Variants in MOB3B observed in about 807,000 individuals in gnomAD.
MOB3B encodes the protein MOB kinase activator-like 2B.
Under a neutral mutation model 18.7 loss-of-function variants are expected in MOB3B, and 7 were observed. That is an observed-to-expected ratio of 0.37 (90% confidence interval 0.21 to 0.70). MOB3B has a LOEUF of 0.70. Ranked by LOEUF, MOB3B falls within the 30% of genes least tolerant of loss-of-function variation. MOB3B has a pLI of 0.52. For missense variants in MOB3B, 253 were observed against 281.3 expected (o/e 0.90, Z 0.72); for synonymous variants, 111 against 99.9 (o/e 1.11, Z -0.66).
In MOB3B at chr9:27,328,972, A is replaced by G. The variant is rs905671324; in HGVS notation, c.*1615T>C. 2.0e-5 allele frequency: 3 copies of G among 152,606 alleles called. No homozygotes were observed. The highest frequency in any genetic ancestry group is 4.4e-5 in the Non-Finnish European group (3 of 68,036). 9.5% of individuals were successfully genotyped at this position (152,606 alleles called of 1,614,324 possible). ...TTCCGTGAGATGACCTTTACGAGAC[A>G]CAAAGCAAGGTTCAGGCTGCTTGGT... On this transcript the variant is annotated 3_prime_UTR_variant, in exon 4 of 4. Transcript: ENST00000262244.
At chr9:27,355,117 T>C (rs770352101) in intron 3 of MOB3B, among the ~76,000 whole-genome samples, 2 of 152,216 alleles carry the variant, frequency 1.3e-5, no homozygotes, top group South Asian at 2.1e-4. Flanking sequence ...TCTTAGGCAC[T>C]GTATGATACT....
chr9:27,524,608 C>T (rs1284929709), intron 1 of MOB3B: 1 of 1,614,098 alleles, frequency 6.2e-7, no homozygotes, highest in Admixed American at 1.7e-5. Context: ...TATGAAATGT[C>T]CCTACAGGCC....
chr9:27,464,610 T>C (rs113638079), intron 1 of MOB3B, among the ~76,000 whole-genome samples: 29 of 152,358 alleles, frequency 1.9e-4, no homozygotes, highest in African/African-American at 7.0e-4. Flanking sequence ...CAGAAATGAC[T>C]TTCTAAACTG....
chr9:27,386,080 C>T (rs1341767576), intron 2 of MOB3B, among the ~76,000 whole-genome samples: 1 of 152,212 alleles, frequency 6.6e-6, no homozygotes, highest in East Asian at 1.9e-4. Flanking sequence ...TTTCCTTGGG[C>T]TTATGATAGT....
At chr9:27,383,037 G>T (rs1011690930) in intron 2 of MOB3B, among the ~76,000 whole-genome samples, 1 of 152,128 alleles carries the variant, frequency 6.6e-6, no homozygotes, top group East Asian at 1.9e-4. Context: ...GAATGTGGGG[G>T]GAGAAGAAAA....
intron 2 of MOB3B, among the ~76,000 whole-genome samples, chr9:27,442,569 C>G (rs1822609631): frequency 6.6e-6 from 1 of 152,192 alleles, no homozygotes; most frequent in South Asian, 2.1e-4. Context: ...ATTTCTACCT[C>G]CCACCCTGCC....
In MOB3B at chr9:27,325,330, T is replaced by C. The variant is rs1367244977; in HGVS notation, c.*5257A>G. The C allele has an allele frequency of 6.6e-6, 1 of 152,246 alleles. No individual in the cohort carries two copies. The highest frequency in any genetic ancestry group is 1.5e-5 in the Non-Finnish European group (1 of 68,040). The allele number at this position is 152,246 out of a possible 1,614,324, so 9.4% of individuals were successfully genotyped here. ...TTGATTTAATTGTTAGTTTTCCTTA[T>C]AGTCAAATGCTTAATACAATCATAA... On this transcript the variant is annotated 3_prime_UTR_variant, in exon 4 of 4. Coordinates refer to ENST00000262244, the MANE Select transcript of MOB3B (RefSeq NM_024761.5).
chr9:27,505,735 C>A (rs371646837), intron 1 of MOB3B, among the ~76,000 whole-genome samples: 1 of 152,168 alleles, frequency 6.6e-6, no homozygotes, highest in South Asian at 2.1e-4. Context: ...TCTTCTCTTG[C>A]ACCAGCCCTT....
At chr9:27,496,967 C>T (rs150415237) in intron 1 of MOB3B, among the ~76,000 whole-genome samples, 1 of 152,176 alleles carries the variant, frequency 6.6e-6, no homozygotes, top group African/African-American at 2.4e-5. Context: ...GTTAATATGG[C>T]CCACACTTTT....
intron 2 of MOB3B, among the ~76,000 whole-genome samples, chr9:27,404,122 C>G (rs1304855567): frequency 6.6e-6 from 1 of 151,976 alleles, no homozygotes; most frequent in Non-Finnish European, 1.5e-5. Context: ...AACCATCATT[C>G]TATTCTCTAT....
intron 1 of MOB3B, among the ~76,000 whole-genome samples, chr9:27,493,108 T>G (rs1434520863): frequency 1.3e-5 from 2 of 152,200 alleles, no homozygotes; most frequent in African/African-American, 4.8e-5. Flanking sequence ...CTCTGCTCAA[T>G]GTATGTAAGA....
intron 1 of MOB3B, among the ~76,000 whole-genome samples, chr9:27,473,853 G>A (rs1367001035): frequency 6.6e-6 from 1 of 152,184 alleles, no homozygotes; most frequent in Admixed American, 6.5e-5. Flanking sequence ...GACTACATGT[G>A]TTCAAATTCT....
chr9:27,455,296 C>T lies in MOB3B; in HGVS notation c.255G>A (p.Arg85=), dbSNP rs776894112. ...YGTICEFCTE[R]TCPVMSGGPK... ...GGCCCCCTGACATCACAGGACAGGT[C>T]CGCTCGGTGCAGAACTCACAGATGG... Residue 85 remains arginine, a synonymous_variant, in exon 2 of 4, where the codon CGG becomes CGA. Transcript: ENST00000262244. 5.6e-6 allele frequency: 9 copies of T among 1,614,092 alleles called. No individual in the cohort carries two copies. The highest frequency in any genetic ancestry group is 3.3e-5 in the South Asian group (3 of 91,062).
At chr9:27,367,622 A>C (rs1821357923) in intron 2 of MOB3B, among the ~76,000 whole-genome samples, 1 of 152,234 alleles carries the variant, frequency 6.6e-6, no homozygotes, top group Non-Finnish European at 1.5e-5. Context: ...CTAAATGAGA[A>C]GCACAGCACC....
intron 2 of MOB3B, among the ~76,000 whole-genome samples, chr9:27,410,430 A>T (rs1382262069): frequency 6.6e-6 from 1 of 152,236 alleles, no homozygotes; most frequent in Non-Finnish European, 1.5e-5. Context: ...AAAAGTTTTT[A>T]GATAGACCTA....
intron 2 of MOB3B, among the ~76,000 whole-genome samples, chr9:27,441,119 C>G (rs143625220): frequency 3.6e-4 from 55 of 152,296 alleles, no homozygotes; most frequent in African/African-American, 1.1e-3. Context: ...TGGCCACTCA[C>G]CTCCTGCTGT....
chr9:27,331,400 G>C (rs1226937455), intron 3 of MOB3B, among the ~76,000 whole-genome samples: 1 of 152,176 alleles, frequency 6.6e-6, no homozygotes, highest in African/African-American at 2.4e-5. Flanking sequence ...CACTCGCTGT[G>C]GAGGTAGCCA....
In MOB3B at chr9:27,467,975, G is replaced by T. The variant is rs953771953; in HGVS notation, c.-198-12227C>A. Among the ~76,000 whole-genome samples the T allele has an allele frequency of 2.0e-5, 3 of 152,168 alleles. No homozygotes were observed. The East Asian group carries it at 5.8e-4, about 29-fold the overall frequency. On this transcript the variant is annotated intron_variant, in intron 1 of 3. Coordinates refer to ENST00000262244, the MANE Select transcript of MOB3B (RefSeq NM_024761.5). Reference sequence around the variant, plus strand: ...AGAGTGGTGTGACTTGTTTATTAGGGCTCTATTGGAGAACTAACATTGTTA... The same window carrying T: ...AGAGTGGTGTGACTTGTTTATTAGGTCTCTATTGGAGAACTAACATTGTTA...
chr9:27,356,764 T>C (rs1312938607), intron 3 of MOB3B, among the ~76,000 whole-genome samples: 2 of 152,156 alleles, frequency 1.3e-5, no homozygotes, highest in African/African-American at 2.4e-5. Flanking sequence ...TGGTTTCTTC[T>C]GGGTCTTCAT....
Sources: allele counts gnomAD v4.1 joint callset (sites outside exome capture counted in the v4.1 genomes callset), GRCh38; gene constraint gnomAD v4.1.1; transcripts MANE v1.5; gene names NCBI Gene and HGNC (gene_info 2026-07-23, HGNC 2026-07-21).